HIRA: variants seen among roughly 807,000 people sequenced by gnomAD.
HIRA encodes protein HIRA.
In HIRA, 13 loss-of-function variants were observed where a neutral mutation model predicts 126.6. That is an observed-to-expected ratio of 0.10 (90% CI 0.07 to 0.16). The LOEUF (loss-of-function observed/expected upper bound fraction) is 0.16. Among genes scored for constraint, HIRA ranks in the 10% least tolerant of loss-of-function variants. The probability of loss-of-function intolerance (pLI) is 1.00; values close to 1 mark genes in which losing one functional copy is unlikely to be tolerated. For missense variants in HIRA, 834 were observed against 1,314.4 expected, an observed-to-expected ratio of 0.63 and a Z score of 5.65; for synonymous variants, 511 against 520.0, an observed-to-expected ratio of 0.98 and a Z score of 0.24.
At chr22:19,392,019 A>G (rs2146225698) in intron 9 of HIRA, 82 bp downstream of exon 9, 1 of 745,444 alleles carries the variant, frequency 1.3e-6, no homozygotes, top group East Asian at 2.6e-5. Context: ...GCATCACCCA[A>G]AGCAGGTCTC....
At chr22:19,393,412 C>T (rs780186502) in intron 8 of HIRA, among the ~76,000 whole-genome samples, 2 of 152,042 alleles carry the variant, frequency 1.3e-5, no homozygotes, top group Non-Finnish European at 2.9e-5. Context: ...GGCTGGAGTA[C>T]GGTGGCGCAA....
chr22:19,430,842 G>T (rs889379082), intron 1 of HIRA, among the ~76,000 whole-genome samples: 2 of 152,206 alleles, frequency 1.3e-5, no homozygotes, highest in East Asian at 1.9e-4. Context: ...CCCTCTGCTA[G>T]AACACACCTG....
chr22:19,422,193 C>T (rs867912342), intron 1 of HIRA, among the ~76,000 whole-genome samples: 12 of 145,550 alleles, frequency 8.2e-5, no homozygotes, highest in African/African-American at 2.6e-4. Context: ...CACACACACA[C>T]ATACACATAT....
At chr22:19,383,727 A>C (rs1456989766) in intron 12 of HIRA, 22 bp from the exon 13 acceptor site, 1 of 1,593,354 alleles carries the variant, frequency 6.3e-7, no homozygotes, top group Non-Finnish European at 8.6e-7. Flanking sequence ...GAGTTACATA[A>C]ATGAATGCAA....
chr22:19,399,757 G>A (rs1011727685), intron 5 of HIRA, among the ~76,000 whole-genome samples: 2 of 151,972 alleles, frequency 1.3e-5, no homozygotes, highest in South Asian at 2.1e-4. Flanking sequence ...TTCCCCTTCC[G>A]ACTTATTTAT....
intron 1 of HIRA, among the ~76,000 whole-genome samples, chr22:19,418,773 G>C (rs560958871): frequency 6.6e-6 from 1 of 152,068 alleles, no homozygotes. Context: ...CAAAACTGGG[G>C]AAATAAATTT....
chr22:19,396,700 C>T, intron 7 of HIRA, 87 bp downstream of exon 7: 2 of 1,427,032 alleles, frequency 1.4e-6, no homozygotes, highest in South Asian at 1.2e-5. Flanking sequence ...TGGCCTGGCC[C>T]ATGGCCAGCT....
At chr22:19,339,550 T>C (rs1265845747) in intron 24 of HIRA, among the ~76,000 whole-genome samples, 3 of 151,888 alleles carry the variant, frequency 2.0e-5, no homozygotes, top group African/African-American at 7.3e-5. Context: ...GGCCTGAGAA[T>C]TGCTTGAACC....
rs138362323 is a variant in HIRA, at chr22:19,385,668, G to A, written c.1182C>T (p.Ala394=). The A allele has an allele frequency of 7.9e-5, 128 of 1,614,170 alleles. No homozygotes were observed. The African/African-American group carries it at 1.1e-3, about 14-fold the overall frequency. The part of the protein sequence containing the change: ...AIMTEAQLST[A]VIENPEMLKY... ...TGAGCATCTCAGGGTTCTCAATGAC[G>A]GCTGTGGAGAGCTGGGCCTCGGTCA... Residue 394 remains alanine (A), a synonymous_variant, in exon 12 of 25, where the codon GCC becomes GCT. Coordinates refer to ENST00000263208, the MANE Select transcript of HIRA (RefSeq NM_003325.4).
intron 24 of HIRA, among the ~76,000 whole-genome samples, chr22:19,342,740 A>G (rs1340796985): frequency 6.6e-6 from 1 of 152,210 alleles, no homozygotes; most frequent in Non-Finnish European, 1.5e-5. Flanking sequence ...CAGCAATCCC[A>G]CTACTGTGTA....
chr22:19,361,450 A>G (rs1022074987), intron 16 of HIRA, 109 bp from the exon 17 acceptor site: 6 of 922,844 alleles, frequency 6.5e-6, no homozygotes, highest in Non-Finnish European at 1.0e-5. Flanking sequence ...GAGCATTTCC[A>G]CCCTGGGAGG....
rs34292276 is a variant in HIRA, at chr22:19,383,529, C to T, written c.1415+91G>A. Reference sequence around the variant, plus strand: ...TCTACCAGTCAGGTTGTGAAGGACCCGTGAAGATCCTCACTGTGAAAGTGT... The same window carrying T: ...TCTACCAGTCAGGTTGTGAAGGACCTGTGAAGATCCTCACTGTGAAAGTGT... On this transcript the variant is annotated intron_variant, in intron 13 of 24. Coordinates refer to ENST00000263208, the MANE Select transcript of HIRA (RefSeq NM_003325.4). 94,570 of 1,044,002 alleles carry T rather than the reference C, an allele frequency of 0.091. 5,078 individuals carry two copies. The highest frequency in any genetic ancestry group is 0.11 in the Non-Finnish European group (76,662 of 676,814). The allele number at this position is 1,044,002 out of a possible 1,614,324, so 64.7% of individuals were successfully genotyped here.
chr22:19,431,346 G>C (rs912316411), intron 1 of HIRA, 94 bp downstream of exon 1: 22 of 1,403,852 alleles, frequency 1.6e-5, no homozygotes, highest in Non-Finnish European at 2.1e-5. Context: ...GGGCGTCAGG[G>C]GCGAGACAGG....
intron 7 of HIRA, 77 bp downstream of exon 7, chr22:19,396,710 T>A: frequency 1.3e-6 from 2 of 1,498,040 alleles, no homozygotes; most frequent in South Asian, 2.4e-5. Flanking sequence ...CATGGCCAGC[T>A]CCCTCTCTGT....
chr22:19,340,580 G>A (rs1403458291), intron 24 of HIRA, among the ~76,000 whole-genome samples: 1 of 152,024 alleles, frequency 6.6e-6, no homozygotes, highest in East Asian at 1.9e-4. Context: ...TCAAAATATC[G>A]CTGTTTGCCA....
At chr22:19,337,474 A>T (rs5748135) in intron 24 of HIRA, among the ~76,000 whole-genome samples, 7,434 of 151,894 alleles carry the variant, frequency 0.049, 391 homozygotes, top group East Asian at 0.13. Flanking sequence ...ATAATTTTTT[A>T]AAAAAATGAA....
rs1251434511 is a variant in HIRA at position 19,419,052 on chromosome 22, ATTCTT to A, written c.38-8279_38-8275del. On this transcript the variant is annotated intron_variant, in intron 1 of 24. Transcript: ENST00000263208. ...CAGAGGTTAGGTCATAATAAAAATG[ATTCTT>A]TTCATGTGCAGGTGACAATATGCAC... 2.6e-5 allele frequency among the ~76,000 whole-genome samples: 4 copies of A among 152,204 alleles called. No individual in the cohort carries two copies. In the East Asian group the frequency reaches 5.8e-4, roughly 22 times the overall value.
intron 24 of HIRA, among the ~76,000 whole-genome samples, chr22:19,333,539 T>A (rs2088520118): frequency 6.6e-6 from 1 of 152,322 alleles, no homozygotes; most frequent in East Asian, 1.9e-4. Flanking sequence ...TTTCCCACAG[T>A]TTGACTAATG....
At chr22:19,339,278 CTCTG>C (rs1162400286) in intron 24 of HIRA, among the ~76,000 whole-genome samples, 1 of 152,040 alleles carries the variant, frequency 6.6e-6, no homozygotes, top group East Asian at 1.9e-4. Flanking sequence ...TTATCAAAAC[CTCTG>C]GGACACAGCA....
Sources: allele counts gnomAD v4.1 joint callset (sites outside exome capture counted in the v4.1 genomes callset), GRCh38; gene constraint gnomAD v4.1.1; transcripts MANE v1.5; gene names NCBI Gene and HGNC (gene_info 2026-07-23, HGNC 2026-07-21).